WDPCP: variants seen among roughly 807,000 people sequenced by gnomAD.
WDPCP encodes WD repeat-containing and planar cell polarity effector protein fritz homolog.
WDPCP carries 71 observed loss-of-function variants against 93.1 expected under a neutral mutation model. The observed-to-expected ratio is 0.76, with a 90% CI of 0.63 to 0.93. The LOEUF (loss-of-function observed/expected upper bound fraction) is 0.93, where lower values mean the gene tolerates loss of function less well. WDPCP is among the 40% of genes least tolerant of loss of function. The pLI, the probability that WDPCP is intolerant of heterozygous loss-of-function variation, is 0.00. For synonymous variants in WDPCP, 315 were observed against 315.0 expected (o/e 1.00, Z 0.00); for missense variants, 844 against 887.4 (o/e 0.95, Z 0.62).
intron 1 of WDPCP, among the ~76,000 whole-genome samples, chr2:63,578,413 T>C (rs1708262139): frequency 6.6e-6 from 1 of 152,184 alleles, no homozygotes; most frequent in Admixed American, 6.5e-5. Flanking sequence ...TTGCCAATTA[T>C]ATCTATAGTA....
intron 1 of WDPCP, among the ~76,000 whole-genome samples, chr2:63,521,399 G>T (rs975566514): frequency 5.9e-5 from 9 of 151,990 alleles, no homozygotes; most frequent in African/African-American, 2.2e-4. Flanking sequence ...GAAAGCAGGG[G>T]GTTGCTATCT....
intron 2 of WDPCP, among the ~76,000 whole-genome samples, chr2:63,677,025 AACTACTCCCCC>A (rs1484461134): frequency 1.3e-5 from 2 of 152,132 alleles, no homozygotes; most frequent in Non-Finnish European, 2.9e-5. Flanking sequence ...TGTTTTTAAA[AACTACTCCCCC>A]ACAAAAAATC....
intron 12 of WDPCP, among the ~76,000 whole-genome samples, chr2:63,376,339 A>G (rs1444852775): frequency 6.6e-6 from 1 of 151,956 alleles, no homozygotes; most frequent in Non-Finnish European, 1.5e-5. Context: ...CTGGAGAATA[A>G]TAATTTTGAT....
At chr2:63,187,798 TA>T (rs1216633152) in intron 14 of WDPCP, among the ~76,000 whole-genome samples, 1 of 152,220 alleles carries the variant, frequency 6.6e-6, no homozygotes, top group Non-Finnish European at 1.5e-5. Context: ...TGTTTATCAT[TA>T]GTGGAGAACT....
chr2:63,536,832 C>T (rs1305064528), intron 1 of WDPCP, among the ~76,000 whole-genome samples: 2 of 123,394 alleles, frequency 1.6e-5, no homozygotes, highest in East Asian at 5.8e-4. Flanking sequence ...GTGGCGCGAT[C>T]TTGGCTCACT....
At position 63,460,678 on chromosome 2, in the gene WDPCP, G is replaced by A. The variant is rs775739671; in HGVS notation, c.385-20807C>T. On this transcript the variant is annotated intron_variant, in intron 6 of 17. Coordinates refer to ENST00000272321, the MANE Select transcript of WDPCP (RefSeq NM_015910.7). ...TAAGTCTCTCTTTTTTTTTTGAAAC[G>A]GAGTCTTGCTCGATCTCGGCTCACT... Among the ~76,000 whole-genome samples the A allele has an allele frequency of 4.6e-5, 7 of 150,850 alleles. No homozygotes were observed. In the East Asian group the frequency reaches 5.8e-4, roughly 13 times the overall value.
chr2:63,297,197 T>TA (rs1446377482), intron 13 of WDPCP, among the ~76,000 whole-genome samples: 1 of 152,148 alleles, frequency 6.6e-6, no homozygotes, highest in Non-Finnish European at 1.5e-5. Context: ...TTACCGCTTG[T>TA]AAAAAGCATG....
chr2:63,804,569 A>T (rs1670736770), intron 2 of WDPCP, among the ~76,000 whole-genome samples: 1 of 151,430 alleles, frequency 6.6e-6, no homozygotes, highest in Non-Finnish European at 1.5e-5. Flanking sequence ...CCAGACACTT[A>T]TCCTAACTCT....
At chr2:63,345,005 T>A (rs1689097506) in intron 12 of WDPCP, among the ~76,000 whole-genome samples, 2 of 152,252 alleles carry the variant, frequency 1.3e-5, no homozygotes, top group Admixed American at 1.3e-4. Flanking sequence ...CATTAGATTC[T>A]TTATAATCTA....
chr2:63,515,587 A>G (rs1451995289), intron 1 of WDPCP, among the ~76,000 whole-genome samples: 2 of 152,212 alleles, frequency 1.3e-5, no homozygotes, highest in East Asian at 1.9e-4. Context: ...ATTTGTTTCT[A>G]AATCTTGGCA....
chr2:63,347,043 A>G (rs1689240543), intron 12 of WDPCP, among the ~76,000 whole-genome samples: 1 of 152,198 alleles, frequency 6.6e-6, no homozygotes, highest in Non-Finnish European at 1.5e-5. Flanking sequence ...CTCTCAAATA[A>G]TATTTTCATT....
In WDPCP at chr2:63,654,319, T is replaced by C. The variant is rs1259234952; in HGVS notation, n.309-3481A>G. On this transcript the variant is annotated intron_variant and non_coding_transcript_variant, in intron 2 of 4. Transcript: ENST00000467687. ...GATTGTAACATTATGGTACAAGCAG[T>C]GGCAGAATAGAGGTTCTTGGGGCTA... Among the ~76,000 whole-genome samples the C allele has an allele frequency of 5.3e-5, 8 of 152,170 alleles. No homozygotes were observed. In the East Asian group the frequency reaches 1.2e-3, roughly 22 times the overall value.
At chr2:63,396,711 G>A (rs1484271855) in intron 10 of WDPCP, among the ~76,000 whole-genome samples, 4 of 151,568 alleles carry the variant, frequency 2.6e-5, no homozygotes, top group Admixed American at 1.3e-4. Flanking sequence ...GGTTTGTTAC[G>A]TAGGTAAACT....
intron 2 of WDPCP, among the ~76,000 whole-genome samples, chr2:63,679,617 G>A (rs989063202): frequency 1.3e-5 from 2 of 152,012 alleles, no homozygotes; most frequent in Admixed American, 6.5e-5. Flanking sequence ...GGAGCCTGAG[G>A]GCTGAGCAGT....
intron 12 of WDPCP, among the ~76,000 whole-genome samples, chr2:63,331,413 C>T (rs1170863092): frequency 6.6e-6 from 1 of 152,166 alleles, no homozygotes; most frequent in Non-Finnish European, 1.5e-5. Flanking sequence ...TTTCATGGAA[C>T]AGTCTGACTG....
At chr2:63,437,378 C>A (rs369723036) in intron 8 of WDPCP, 43 bp downstream of exon 8, 4 of 1,461,428 alleles carry the variant, frequency 2.7e-6, no homozygotes, top group East Asian at 2.4e-5. Context: ...CTCTCATATA[C>A]CTTAATAATT....
chr2:63,271,617 C>A (rs966671723), intron 13 of WDPCP, among the ~76,000 whole-genome samples: 2 of 152,166 alleles, frequency 1.3e-5, no homozygotes, highest in African/African-American at 4.8e-5. Context: ...TGAAAACAGG[C>A]CTGCCCTGCC....
At chr2:63,149,187 C>T (rs1671730235) in intron 17 of WDPCP, among the ~76,000 whole-genome samples, 1 of 151,956 alleles carries the variant, frequency 6.6e-6, no homozygotes, top group Non-Finnish European at 1.5e-5. Context: ...GCAAAGAACT[C>T]AGTGGAAAAA....
chr2:63,584,697 T>C lies in WDPCP; in HGVS notation c.75+3500A>G, dbSNP rs141355204. Among the ~76,000 whole-genome samples, 1,189 of 152,314 alleles carry C rather than the reference T, an allele frequency of 7.8e-3. 9 individuals are homozygous for C. The highest frequency in any genetic ancestry group is 0.016 in the South Asian group (79 of 4,828). On this transcript the variant is annotated intron_variant, in intron 1 of 17. Transcript: ENST00000272321. ...TAAATGGGTATGTAAAGGAATGGAA[T>C]TGCTACATTACGTTTCCAGATATAA... is the stretch of plus-strand genomic sequence containing the variant.
Sources: allele counts gnomAD v4.1 joint callset (sites outside exome capture counted in the v4.1 genomes callset), GRCh38; gene constraint gnomAD v4.1.1; transcripts MANE v1.5; gene names NCBI Gene and HGNC (gene_info 2026-07-23, HGNC 2026-07-21).